FGGY: variants seen among roughly 807,000 people sequenced by gnomAD.
FGGY encodes the protein FGGY carbohydrate kinase domain-containing protein.
In FGGY, 72 loss-of-function variants were observed where a neutral mutation model predicts 71.3. The ratio of observed to expected loss-of-function variants is 1.01; its 90% CI spans 0.84 to 1.23. The LOEUF is 1.23. Ranked by LOEUF, FGGY falls within the 50% of genes most tolerant of loss-of-function variation. The pLI, the probability that FGGY is intolerant of heterozygous loss-of-function variation, is 0.00. For synonymous variants in FGGY, 251 were observed against 250.3 expected (o/e 1.00, Z -0.02); for missense variants, 668 against 682.3 (o/e 0.98, Z 0.23).
chr1:59,325,244 C>T (rs369706436), intron 2 of FGGY, among the ~76,000 whole-genome samples: 1 of 152,056 alleles, frequency 6.6e-6, no homozygotes, highest in Non-Finnish European at 1.5e-5. Flanking sequence ...GTAGTCCCAG[C>T]TACTTGGGAG....
intron 7 of FGGY, among the ~76,000 whole-genome samples, chr1:59,544,350 CA>C (rs2095489798): frequency 6.6e-6 from 1 of 152,170 alleles, no homozygotes; most frequent in Non-Finnish European, 1.5e-5. Flanking sequence ...GGGAACTTAG[CA>C]AAGCCTGTTA....
intron 6 of FGGY, among the ~76,000 whole-genome samples, chr1:59,482,478 A>G (rs1182531084): frequency 6.6e-6 from 1 of 152,046 alleles, no homozygotes; most frequent in Non-Finnish European, 1.5e-5. Context: ...GCATATTTAT[A>G]TATATATAAA....
intron 13 of FGGY, among the ~76,000 whole-genome samples, chr1:59,670,425 A>G (rs182091557): frequency 3.9e-5 from 6 of 152,354 alleles, no homozygotes; most frequent in African/African-American, 1.4e-4. Context: ...TGAAAAACAC[A>G]TTCGAATTTG....
chr1:59,473,255 G>T (rs928542675), intron 6 of FGGY, among the ~76,000 whole-genome samples: 1 of 150,672 alleles, frequency 6.6e-6, no homozygotes, highest in African/African-American at 2.4e-5. Flanking sequence ...CGGGAGGAAC[G>T]AACAACTCCA....
intron 11 of FGGY, among the ~76,000 whole-genome samples, chr1:59,641,947 T>C (rs1172644674): frequency 6.6e-6 from 1 of 152,180 alleles, no homozygotes; most frequent in Non-Finnish European, 1.5e-5. Context: ...GTTGGGTTTT[T>C]TGTTTTCTTT....
At chr1:59,467,468 G>A (rs2092702492) in intron 6 of FGGY, among the ~76,000 whole-genome samples, 1 of 151,724 alleles carries the variant, frequency 6.6e-6, no homozygotes, top group South Asian at 2.1e-4. Context: ...TGCATGTTGT[G>A]CACATGTACC....
At chr1:59,343,407 G>A (rs1236579342) in intron 3 of FGGY, among the ~76,000 whole-genome samples, 1 of 152,106 alleles carries the variant, frequency 6.6e-6, no homozygotes, top group Non-Finnish European at 1.5e-5. Context: ...CACCTGCCTA[G>A]CCATTGGCTA....
At chr1:59,314,134 T>C (rs1369310432) in intron 1 of FGGY, among the ~76,000 whole-genome samples, 1 of 152,052 alleles carries the variant, frequency 6.6e-6, no homozygotes, top group Admixed American at 6.6e-5. Flanking sequence ...CTCGGCTAAT[T>C]TTTTGTATTT....
intron 14 of FGGY, among the ~76,000 whole-genome samples, chr1:59,749,289 G>A (rs922612028): frequency 6.6e-6 from 1 of 152,202 alleles, no homozygotes; most frequent in Admixed American, 6.5e-5. Context: ...GGTGGAGTTT[G>A]TGGAAACCTC....
At chr1:59,404,795 G>T (rs996820377) in intron 5 of FGGY, among the ~76,000 whole-genome samples, 2 of 152,132 alleles carry the variant, frequency 1.3e-5, no homozygotes, top group Non-Finnish European at 2.9e-5. Flanking sequence ...CCTAGCATCT[G>T]GGTGTCTGCT....
chr1:59,756,497 T>C (rs1262739552), intron 14 of FGGY, among the ~76,000 whole-genome samples: 1 of 152,260 alleles, frequency 6.6e-6, no homozygotes, highest in Non-Finnish European at 1.5e-5. Flanking sequence ...AGCGTAGTAT[T>C]TATCACACTC....
At chr1:59,371,489 A>G (rs929390403) in intron 4 of FGGY, among the ~76,000 whole-genome samples, 3 of 152,166 alleles carry the variant, frequency 2.0e-5, no homozygotes, top group African/African-American at 7.2e-5. Context: ...TCAACATTAG[A>G]CAGATCAACG....
chr1:59,467,887 G>GT (rs879460319), intron 6 of FGGY, among the ~76,000 whole-genome samples: 44 of 144,810 alleles, frequency 3.0e-4, no homozygotes, highest in Admixed American at 1.4e-3. Flanking sequence ...TTTCTTTCTT[G>GT]TTTTTTTTGT....
chr1:59,728,302 C>G (rs1442235881), intron 14 of FGGY, among the ~76,000 whole-genome samples: 1 of 151,902 alleles, frequency 6.6e-6, no homozygotes, highest in Non-Finnish European at 1.5e-5. Flanking sequence ...GTGCAGGTAC[C>G]TTATAAGGAA....
intron 10 of FGGY, among the ~76,000 whole-genome samples, chr1:59,637,281 A>G (rs1414071793): frequency 6.6e-6 from 1 of 152,170 alleles, no homozygotes; most frequent in African/African-American, 2.4e-5. Flanking sequence ...GAACATGTAA[A>G]GAATGAAGGA....
chr1:59,313,722 G>A (rs1324935616), intron 1 of FGGY, among the ~76,000 whole-genome samples: 1 of 152,176 alleles, frequency 6.6e-6, no homozygotes, highest in African/African-American at 2.4e-5. Flanking sequence ...ACCAAACATT[G>A]TATGTTCTCA....
intron 5 of FGGY, among the ~76,000 whole-genome samples, chr1:59,421,443 G>A (rs1191582519): frequency 6.6e-6 from 1 of 151,808 alleles, no homozygotes; most frequent in East Asian, 1.9e-4. Flanking sequence ...ATCAGGGTGT[G>A]GTATAGTTAA....
At chr1:59,337,417 T>C (rs577725116) in intron 2 of FGGY, among the ~76,000 whole-genome samples, 1 of 152,194 alleles carries the variant, frequency 6.6e-6, no homozygotes, top group East Asian at 1.9e-4. Context: ...TCACACCCAT[T>C]ACTGATTAGA....
chr1:59,685,828 C>T (rs2097539770), intron 14 of FGGY, among the ~76,000 whole-genome samples: 1 of 152,150 alleles, frequency 6.6e-6, no homozygotes, highest in Admixed American at 6.5e-5. Context: ...AATCATGGCT[C>T]ACTGCAGCCT....
Sources: gnomAD v4.1 joint callset for allele counts (sites outside exome capture counted in the v4.1 genomes callset) on GRCh38, gnomAD v4.1.1 for gene constraint, MANE v1.5 for transcripts, NCBI Gene and HGNC (gene_info 2026-07-23, HGNC 2026-07-21) for gene names.